The following SLC25A21 variants were observed in gnomAD, a reference collection of about 807,000 sequenced individuals.
SLC25A21 encodes the protein mitochondrial 2-oxodicarboxylate carrier.
Under a neutral mutation model 43.8 loss-of-function variants are expected in SLC25A21, and 47 were observed. That is an observed-to-expected ratio of 1.07 (90% CI 0.85 to 1.37). The LOEUF (loss-of-function observed/expected upper bound fraction) is 1.37. Among genes scored for constraint, SLC25A21 ranks in the 40% most tolerant of loss-of-function variants. The pLI, the probability that SLC25A21 is intolerant of heterozygous loss-of-function variation, is 0.00. For synonymous variants in SLC25A21, 131 were observed against 121.3 expected, an observed-to-expected ratio of 1.08 and a Z score of -0.52; for missense variants, 352 against 350.2, an observed-to-expected ratio of 1.00 and a Z score of -0.04.
chr14:36,713,412 TTGTC>T (rs140086684), intron 6 of SLC25A21, among the ~76,000 whole-genome samples: 2,187 of 152,306 alleles, frequency 0.014, 26 homozygotes, highest in Non-Finnish European at 0.024. Flanking sequence ...CATTTGCTAA[TTGTC>T]TGTTTCCTGA....
At chr14:36,849,884 AACTC>A (rs1262403465) in intron 2 of SLC25A21, among the ~76,000 whole-genome samples, 1 of 152,194 alleles carries the variant, frequency 6.6e-6, no homozygotes, top group Non-Finnish European at 1.5e-5. Flanking sequence ...GTTACTCATT[AACTC>A]ACTGTTAATT....
intron 6 of SLC25A21, among the ~76,000 whole-genome samples, chr14:36,713,170 C>G (rs1191734892): frequency 1.3e-5 from 2 of 152,136 alleles, no homozygotes; most frequent in Non-Finnish European, 2.9e-5. Flanking sequence ...CCGAGGCCAT[C>G]TAAGTTTTAG....
intron 3 of SLC25A21, among the ~76,000 whole-genome samples, chr14:36,765,283 C>T (rs1430639013): frequency 6.6e-6 from 1 of 152,202 alleles, no homozygotes; most frequent in African/African-American, 2.4e-5. Context: ...ATTGCAGGAC[C>T]AGAAACGCAA....
chr14:36,746,765 C>T lies in SLC25A21; in HGVS notation c.204-12192G>A, dbSNP rs183948207. ...AAAGTAACTATCATTCACATTTTAA[C>T]TCACTCTTTCATTAATATACTCTGT... On this transcript the variant is annotated intron_variant, in intron 3 of 9. Transcript: ENST00000331299. 3.3e-3 allele frequency among the ~76,000 whole-genome samples: 509 copies of T among 152,198 alleles called. 3 individuals are homozygous for T. Among genetic ancestry groups the T allele is most frequent in the African/African-American group, 0.011 (474 of 41,522 alleles).
At chr14:36,773,053 CTT>C (rs1290507748) in intron 3 of SLC25A21, among the ~76,000 whole-genome samples, 6 of 152,148 alleles carry the variant, frequency 3.9e-5, no homozygotes, top group African/African-American at 7.2e-5. Flanking sequence ...TGAAAGTTCT[CTT>C]TTTCTGCTGC....
intron 1 of SLC25A21, among the ~76,000 whole-genome samples, chr14:37,098,912 C>T (rs1055939054): frequency 1.3e-5 from 2 of 151,702 alleles, no homozygotes; most frequent in African/African-American, 4.8e-5. Context: ...AGGCAATTCT[C>T]CTGACTCAGC....
At chr14:37,086,746 A>G (rs1962494395) in intron 1 of SLC25A21, among the ~76,000 whole-genome samples, 1 of 152,220 alleles carries the variant, frequency 6.6e-6, no homozygotes, top group Non-Finnish European at 1.5e-5. Context: ...ATCCATGTGG[A>G]GTACTTAGAA....
chr14:36,727,981 T>C (rs1281261082), intron 5 of SLC25A21, among the ~76,000 whole-genome samples: 1 of 152,192 alleles, frequency 6.6e-6, no homozygotes, highest in Non-Finnish European at 1.5e-5. Flanking sequence ...TAATTCACTT[T>C]TTTGTTCTTC....
chr14:36,948,587 G>T (rs1183411549), intron 1 of SLC25A21, among the ~76,000 whole-genome samples: 3 of 152,096 alleles, frequency 2.0e-5, no homozygotes. Context: ...GCAGAGTACA[G>T]TTACTCCACA....
chr14:36,958,153 C>T (rs1177934022), intron 1 of SLC25A21, among the ~76,000 whole-genome samples: 1 of 151,068 alleles, frequency 6.6e-6, no homozygotes, highest in East Asian at 1.9e-4. Context: ...AGGTGTTTGC[C>T]TAGACAACCA....
At chr14:37,094,174 A>C (rs1357842257) in intron 1 of SLC25A21, among the ~76,000 whole-genome samples, 1 of 152,194 alleles carries the variant, frequency 6.6e-6, no homozygotes, top group Non-Finnish European at 1.5e-5. Context: ...TTAGACTTTA[A>C]AGATTTCCTT....
In SLC25A21 at chr14:36,773,121, T is replaced by C. The variant is rs1299042372; in HGVS notation, c.204-38548A>G. ...TTTACCAGCATTCTTGAGGATTTCATGTTCTTTCAAAATAAACTTAAAATA... is the reference window on the plus strand; with the variant it reads ...TTTACCAGCATTCTTGAGGATTTCACGTTCTTTCAAAATAAACTTAAAATA... On this transcript the variant is annotated intron_variant, in intron 3 of 9. Transcript: ENST00000331299. Among the ~76,000 whole-genome samples the C allele has an allele frequency of 1.3e-5, 2 of 152,136 alleles. 1 individual carries two copies. Among genetic ancestry groups the C allele is most frequent in the Non-Finnish European group, 2.9e-5 (2 of 68,028 alleles).
chr14:36,908,099 C>T lies in SLC25A21; in HGVS notation c.71-33095G>A, dbSNP rs78798758. 8.0e-3 allele frequency among the ~76,000 whole-genome samples: 1,224 copies of T among 152,112 alleles called. 17 individuals carry two copies. The highest frequency in any genetic ancestry group is 0.028 in the African/African-American group (1,163 of 41,518). ...ATATGTAAAAAATGATGATGGGGCA[C>T]AGAGGATTTTTAGGGCAGTGAAAAC... is the stretch of plus-strand genomic sequence containing the variant. On this transcript the variant is annotated intron_variant, in intron 1 of 9. Transcript: ENST00000331299.
chr14:36,773,232 T>C (rs143692021), intron 3 of SLC25A21, among the ~76,000 whole-genome samples: 2 of 151,382 alleles, frequency 1.3e-5, no homozygotes, highest in African/African-American at 2.4e-5. Context: ...TAAACAACCA[T>C]GTAGAATGTT....
intron 1 of SLC25A21, among the ~76,000 whole-genome samples, chr14:37,125,158 G>A (rs533685930): frequency 4.6e-5 from 7 of 152,202 alleles, no homozygotes; most frequent in African/African-American, 1.4e-4. Flanking sequence ...GTGTGACCTC[G>A]GTAAATTACA....
intron 1 of SLC25A21, among the ~76,000 whole-genome samples, chr14:36,929,316 A>G (rs1892222401): frequency 6.6e-6 from 1 of 152,176 alleles, no homozygotes; most frequent in Non-Finnish European, 1.5e-5. Flanking sequence ...TTTCTAACAA[A>G]AAGATAGAAA....
intron 1 of SLC25A21, among the ~76,000 whole-genome samples, chr14:37,030,473 A>G (rs1961187821): frequency 6.6e-6 from 1 of 152,202 alleles, no homozygotes; most frequent in Non-Finnish European, 1.5e-5. Context: ...TAGTTGCCAC[A>G]TCTTCATGAG....
intron 3 of SLC25A21, among the ~76,000 whole-genome samples, chr14:36,801,654 C>A (rs1316811926): frequency 6.6e-6 from 1 of 152,202 alleles, no homozygotes; most frequent in Non-Finnish European, 1.5e-5. Context: ...ATGCAAGCTA[C>A]TCTGTGGTGT....
intron 1 of SLC25A21, among the ~76,000 whole-genome samples, chr14:37,064,682 C>G (rs1962024058): frequency 6.6e-6 from 1 of 152,144 alleles, no homozygotes; most frequent in African/African-American, 2.4e-5. Flanking sequence ...CACCAACACC[C>G]CATTCTATGA....
Sources: gnomAD v4.1 joint callset for allele counts (sites outside exome capture counted in the v4.1 genomes callset) on GRCh38, gnomAD v4.1.1 for gene constraint, MANE v1.5 for transcripts, NCBI Gene and HGNC (gene_info 2026-07-23, HGNC 2026-07-21) for gene names.